HHLA1: variants seen among roughly 807,000 people sequenced by gnomAD.
HHLA1 encodes HERV-H LTR-associating protein 1.
A neutral mutation model predicts 69.9 loss-of-function variants in HHLA1; 72 were observed. That is an observed-to-expected ratio of 1.03 (90% CI 0.85 to 1.25). The LOEUF (loss-of-function observed/expected upper bound fraction) is 1.25. HHLA1 is among the 50% of genes most tolerant of loss of function. The pLI is 0.00. For synonymous variants in HHLA1, 252 were observed against 233.2 expected, an observed-to-expected ratio of 1.08 and a Z score of -0.73; for missense variants, 685 against 642.2, an observed-to-expected ratio of 1.07 and a Z score of -0.72.
rs2469640 is a variant in HHLA1 at position 132,110,007 on chromosome 8, C to G, written c.-22+1095G>C. On this transcript the variant is annotated intron_variant, in intron 1 of 16. Coordinates refer to ENST00000414222, the MANE Select transcript of HHLA1 (RefSeq NM_001145095.3). Reference sequence around the variant, plus strand: ...GCAGCCCTGGAGCCGGGAGTGTGGACGGTGAAGGCAAATGCTCCAGAGTCT... The same window carrying G: ...GCAGCCCTGGAGCCGGGAGTGTGGAGGGTGAAGGCAAATGCTCCAGAGTCT... Among the ~76,000 whole-genome samples, 4 of 151,934 alleles carry G rather than the reference C, an allele frequency of 2.6e-5. No individual in the cohort carries two copies. The East Asian group carries it at 7.8e-4, about 30-fold the overall frequency.
chr8:132,066,009 T>C (rs1475051611), intron 15 of HHLA1, 41 bp from the exon 16 acceptor site: 5 of 895,716 alleles, frequency 5.6e-6, no homozygotes, highest in Non-Finnish European at 8.1e-6. Context: ...AACTATCCTG[T>C]GATGGCTATT....
chr8:132,083,400 T>C (rs1405730252), intron 10 of HHLA1, among the ~76,000 whole-genome samples: 2 of 151,936 alleles, frequency 1.3e-5, no homozygotes, highest in Non-Finnish European at 2.9e-5. Flanking sequence ...TCCGTATTGA[T>C]TAAGAAGGGG....
chr8:132,070,315 T>C lies in HHLA1; in HGVS notation c.1469+1025A>G, dbSNP rs1271129125. 5.7e-6 allele frequency: 4 copies of C among 701,972 alleles called. No homozygotes were observed. In the Admixed American group the frequency reaches 6.0e-5, roughly 11 times the overall value. 43.5% of individuals were successfully genotyped at this position (701,972 alleles called of 1,614,324 possible). ...GACCTTCTTAATATAAAACAGGTTC[T>C]GCTTTTTAATTTAAGTTTTCCAACT... On this transcript the variant is annotated intron_variant, in intron 15 of 16. Coordinates refer to ENST00000414222, the MANE Select transcript of HHLA1 (RefSeq NM_001145095.3).
chr8:132,093,086 A>G (rs545700323), intron 7 of HHLA1, among the ~76,000 whole-genome samples: 2 of 152,342 alleles, frequency 1.3e-5, no homozygotes, highest in African/African-American at 2.4e-5. Flanking sequence ...GGGTTCCTAT[A>G]TGTAGAGCAG....
At chr8:132,081,121 G>C (rs1363340394) in intron 10 of HHLA1, 1 of 147,736 alleles carries the variant, frequency 6.8e-6, no homozygotes, top group Admixed American at 6.9e-5. Flanking sequence ...TTTGGGGATA[G>C]CACCAGTAGA....
At chr8:132,065,842 TG>T in intron 16 of HHLA1, 43 bp downstream of exon 16, 4 of 926,784 alleles carry the variant, frequency 4.3e-6, no homozygotes, top group Non-Finnish European at 6.2e-6. Flanking sequence ...TTTTGTGTAA[TG>T]CATTCACTGC....
chr8:132,076,066 TG>T lies in HHLA1; in HGVS notation c.1303del (p.His435IlefsTer32). On this transcript the variant is annotated frameshift_variant, in exon 14 of 17. Coordinates refer to ENST00000414222, the MANE Select transcript of HHLA1 (RefSeq NM_001145095.3). LOFTEE classifies it high-confidence loss of function. Reference protein sequence around the residue: ...GEEPVLVPRPHQVSRCPQPLF... With the variant: ...GEEPVLVPRPXQVSRCPQPLF... ...GCACTGGTACTTACTTGAAACTTGA[TG>T]GGGTCTTGGGACCAGGACTGGCTCT... 1 of 1,551,166 alleles carries T rather than the reference TG, an allele frequency of 6.4e-7. No individual in the cohort carries two copies. Among genetic ancestry groups the T allele is most frequent in the Non-Finnish European group, 8.7e-7 (1 of 1,146,600 alleles).
At position 132,098,932 on chromosome 8, in the gene HHLA1, G is replaced by A. The variant is rs1023505309; in HGVS notation, c.230C>T (p.Ala77Val). ...ATTCACAAGCTCTGTCAGGTTAAGC[G>A]CGGACAGATCGATTGACCTTGCGGG... ...ELPARSIDLS[A>V]LNLTELVNGM... Residue 77 changes from alanine (A) to valine (V), a missense_variant, in exon 5 of 17, where the codon GCG becomes GTG. Transcript: ENST00000414222. 1.6e-5 allele frequency: 25 copies of A among 1,551,090 alleles called. No individual in the cohort carries two copies. The highest frequency in any genetic ancestry group is 1.7e-4 in the Middle Eastern group (1 of 6,012).
At position 132,100,078 on chromosome 8, in the gene HHLA1, T is replaced by A. The variant is rs1824088574; in HGVS notation, c.196A>T (p.Thr66Ser). Reference protein sequence around the residue: ...KEKGVAFLATTELPARSIDLS... With the variant: ...KEKGVAFLATSELPARSIDLS... Reference sequence around the variant, plus strand: ...GATTTGGGGGAGCGGCACTCACCCGTCGTAGCAAGAAATGCCACCCCCTTC... The same window carrying A: ...GATTTGGGGGAGCGGCACTCACCCGACGTAGCAAGAAATGCCACCCCCTTC... The change falls in exon 4 of 17, where the codon ACG becomes TCG. Residue 66 changes from threonine to serine, a missense_variant. Thr to Ser is a moderately conservative substitution (Grantham distance 58). Transcript: ENST00000414222. 6.4e-7 allele frequency: 1 copy of A among 1,551,420 alleles called. No individual in the cohort carries two copies. The highest frequency in any genetic ancestry group is 8.7e-7 in the Non-Finnish European group (1 of 1,146,736).
intron 8 of HHLA1, among the ~76,000 whole-genome samples, chr8:132,089,188 C>A (rs941209788): frequency 1.3e-5 from 2 of 152,178 alleles, no homozygotes; most frequent in South Asian, 2.1e-4. Flanking sequence ...AAATATTCAA[C>A]CTCTCTGGAT....
At chr8:132,074,111 C>T (rs1823594979) in intron 14 of HHLA1, among the ~76,000 whole-genome samples, 1 of 152,200 alleles carries the variant, frequency 6.6e-6, no homozygotes, top group African/African-American at 2.4e-5. Flanking sequence ...TTCCACACTA[C>T]CCTCACTTTC....
rs1823390421 is a variant in HHLA1, at chr8:132,063,716, G to A, written c.*279C>T. ...AGCATTGTAGGAGTTTCTTGAGCATGAACACTAGATTTCCATGATTTTGAA... is the reference window on the plus strand; with the variant it reads ...AGCATTGTAGGAGTTTCTTGAGCATAAACACTAGATTTCCATGATTTTGAA... On this transcript the variant is annotated 3_prime_UTR_variant, in exon 17 of 17. Transcript: ENST00000414222. 5.6e-6 allele frequency: 1 copy of A among 178,546 alleles called. No homozygotes were observed. The highest frequency in any genetic ancestry group is 5.6e-5 in the Admixed American group (1 of 17,916). 11.1% of individuals were successfully genotyped at this position (178,546 alleles called of 1,614,324 possible).
At chr8:132,110,751 C>T (rs935632113) in intron 1 of HHLA1, among the ~76,000 whole-genome samples, 1 of 152,168 alleles carries the variant, frequency 6.6e-6, no homozygotes, top group Admixed American at 6.5e-5. Context: ...CATTTTTTAG[C>T]GCACTCTTTT....
intron 3 of HHLA1, among the ~76,000 whole-genome samples, chr8:132,103,801 G>A (rs1447723857): frequency 6.6e-6 from 1 of 152,112 alleles, no homozygotes; most frequent in African/African-American, 2.4e-5. Context: ...GAATTTCATA[G>A]CATCAAGAAG....
intron 6 of HHLA1, 31 bp downstream of exon 6, chr8:132,095,672 C>T (rs541662959): frequency 1.3e-6 from 2 of 1,540,930 alleles, no homozygotes; most frequent in South Asian, 1.2e-5. Context: ...CCTACCACCA[C>T]CACCATCAAG....
Position 132,100,112 on chromosome 8 carries a change from CTCT to C in HHLA1, c.159_161del (p.Glu54del). 1 of 1,551,348 alleles carries C rather than the reference CTCT, an allele frequency of 6.4e-7. No individual in the cohort carries two copies. The highest frequency in any genetic ancestry group is 1.4e-5 in the African/African-American group (1 of 73,156). On this transcript the variant is annotated inframe_deletion, in exon 4 of 17. Coordinates refer to ENST00000414222, the MANE Select transcript of HHLA1 (RefSeq NM_001145095.3). ...GAAATGCCACCCCCTTCTCCTTCCT[CTCT>C]TCTTCTCTAAGGCCAGACACTGGGA...
chr8:132,090,916 G>C (rs1005505922), intron 7 of HHLA1, among the ~76,000 whole-genome samples: 3 of 151,868 alleles, frequency 2.0e-5, no homozygotes, highest in Non-Finnish European at 4.4e-5. Flanking sequence ...CCGCCAACAC[G>C]CCCAGCTAAT....
intron 11 of HHLA1, among the ~76,000 whole-genome samples, chr8:132,078,807 A>G (rs1248524833): frequency 6.6e-6 from 1 of 152,240 alleles, no homozygotes; most frequent in African/African-American, 2.4e-5. Flanking sequence ...ATGAGTAAAT[A>G]AATGAATGAA....
chr8:132,081,048 G>A (rs1005772387), intron 10 of HHLA1: 1 of 152,194 alleles, frequency 6.6e-6, no homozygotes. Flanking sequence ...GAGTGCCTAA[G>A]GAGATTCAGC....
Sources: gnomAD v4.1 joint callset for allele counts (sites outside exome capture counted in the v4.1 genomes callset) on GRCh38, gnomAD v4.1.1 for gene constraint, MANE v1.5 for transcripts, NCBI Gene and HGNC (gene_info 2026-07-23, HGNC 2026-07-21) for gene names.